The following ZNF138 variants were observed in gnomAD, a reference collection of about 807,000 sequenced individuals.
ZNF138 encodes the protein zinc finger protein 138, also known as zinc finger protein 138 (clone pHZ-32).
ZNF138 carries 33 observed loss-of-function variants against 33.0 expected under a neutral mutation model. The ratio of observed to expected loss-of-function variants is 1.00; its 90% CI spans 0.76 to 1.34. The LOEUF (loss-of-function observed/expected upper bound fraction) is 1.34, where lower values mean the gene tolerates loss of function less well. Among genes scored for constraint, ZNF138 ranks in the 40% most tolerant of loss-of-function variants. The probability of loss-of-function intolerance (pLI) is 0.00; values close to 1 mark genes in which losing one functional copy is unlikely to be tolerated. For synonymous variants in ZNF138, 139 were observed against 120.4 expected, an observed-to-expected ratio of 1.15 and a Z score of -1.01; for missense variants, 360 against 370.8, an observed-to-expected ratio of 0.97 and a Z score of 0.24.
intron 3 of ZNF138, among the ~76,000 whole-genome samples, chr7:64,821,564 C>T (rs1376495795): frequency 1.3e-5 from 2 of 151,172 alleles, no homozygotes; most frequent in Admixed American, 6.6e-5. Context: ...TGTTTGTTTT[C>T]GAGACACAGT....
At chr7:64,794,657 T>G in intron 1 of ZNF138, 86 bp downstream of exon 1, 1 of 1,592,634 alleles carries the variant, frequency 6.3e-7, no homozygotes, top group Non-Finnish European at 8.6e-7. Context: ...TACTCGGGTC[T>G]TCCCGCAGTC....
At chr7:64,842,449 G>T in the ZNF138 span, among the ~76,000 whole-genome samples, 3 of 152,174 alleles carry the variant, frequency 2.0e-5, no homozygotes, top group Admixed American at 6.5e-5. Context: ...AATATTTCTT[G>T]TCCATATTGA....
At chr7:64,808,726 A>G (rs1787819658) in intron 1 of ZNF138, among the ~76,000 whole-genome samples, 1 of 143,188 alleles carries the variant, frequency 7.0e-6, no homozygotes, top group South Asian at 2.3e-4. Flanking sequence ...TTTCCTAGGC[A>G]GAGGACCCTG....
At chr7:64,809,841 C>A (rs1418105898) in intron 1 of ZNF138, among the ~76,000 whole-genome samples, 2 of 121,502 alleles carry the variant, frequency 1.6e-5, no homozygotes, top group African/African-American at 6.4e-5. Flanking sequence ...CAGAGGCGCT[C>A]CCCACATCTC....
intron 3 of ZNF138, among the ~76,000 whole-genome samples, chr7:64,827,476 C>T (rs28630719): frequency 6.6e-6 from 1 of 151,054 alleles, no homozygotes; most frequent in African/African-American, 2.4e-5. Flanking sequence ...GATCTCCTGA[C>T]CTCGTGATCC....
chr7:64,843,152 T>A, the ZNF138 span, among the ~76,000 whole-genome samples: 3 of 152,186 alleles, frequency 2.0e-5, no homozygotes, highest in Non-Finnish European at 4.4e-5. Context: ...ATAATAAAAT[T>A]TCCTTCTTTA....
At chr7:64,828,309 T>G (rs1789811081) in intron 3 of ZNF138, among the ~76,000 whole-genome samples, 2 of 152,138 alleles carry the variant, frequency 1.3e-5, no homozygotes, top group South Asian at 2.1e-4. Flanking sequence ...GTTTTTACCT[T>G]GCAAAGCTAC....
intron 3 of ZNF138, among the ~76,000 whole-genome samples, chr7:64,827,031 T>A (rs547742329): frequency 2.2e-4 from 33 of 152,166 alleles, no homozygotes; most frequent in Non-Finnish European, 4.6e-4. Context: ...TCTATATACA[T>A]TTATAATAAA....
the ZNF138 span, among the ~76,000 whole-genome samples, chr7:64,858,753 A>G: frequency 7.6e-4 from 116 of 152,276 alleles, 1 homozygote; most frequent in African/African-American, 2.7e-3. Flanking sequence ...ATTTTTTTCA[A>G]TGCTGGCTTA....
At chr7:64,839,440 A>G in the ZNF138 span, among the ~76,000 whole-genome samples, 1 of 152,216 alleles carries the variant, frequency 6.6e-6, no homozygotes, top group Middle Eastern at 3.4e-3. Flanking sequence ...CGGATCGGCT[A>G]CTTCAGACAC....
At chr7:64,795,999 C>A (rs1215502221) in intron 1 of ZNF138, among the ~76,000 whole-genome samples, 6 of 152,192 alleles carry the variant, frequency 3.9e-5, no homozygotes, top group Non-Finnish European at 8.8e-5. Context: ...TGAGAGGAAT[C>A]TCCTGGTGTA....
At chr7:64,858,615 G>A in the ZNF138 span, among the ~76,000 whole-genome samples, 1 of 152,150 alleles carries the variant, frequency 6.6e-6, no homozygotes, top group Non-Finnish European at 1.5e-5. Context: ...AATAGATGTA[G>A]GGAAGACCCA....
At chr7:64,797,431 A>G (rs555156163) in intron 1 of ZNF138, among the ~76,000 whole-genome samples, 2 of 152,350 alleles carry the variant, frequency 1.3e-5, no homozygotes, top group South Asian at 4.1e-4. Flanking sequence ...TTCAGTTTAA[A>G]AAACCATTTG....
the ZNF138 span, chr7:64,852,457 G>A: frequency 2.5e-6 from 4 of 1,582,842 alleles, no homozygotes; most frequent in Non-Finnish European, 3.5e-6. Context: ...CAATCTCGAT[G>A]ATCAGGGGTT....
intron 1 of ZNF138, among the ~76,000 whole-genome samples, chr7:64,796,907 A>G (rs1444545983): frequency 6.6e-6 from 1 of 152,164 alleles, no homozygotes; most frequent in African/African-American, 2.4e-5. Context: ...GAAATTAGCC[A>G]TGAATGGTGA....
intron 1 of ZNF138, among the ~76,000 whole-genome samples, chr7:64,797,068 A>G (rs1240838616): frequency 6.6e-6 from 1 of 152,200 alleles, no homozygotes; most frequent in Non-Finnish European, 1.5e-5. Flanking sequence ...AGAAAGAAAG[A>G]AAATGAATAC....
At chr7:64,831,042 G>A (rs1790040944) in intron 3 of ZNF138, 2 of 1,551,842 alleles carry the variant, frequency 1.3e-6, no homozygotes, top group Non-Finnish European at 1.7e-6. Context: ...AGAAACCAGT[G>A]TCTGCAAAAG....
intron 3 of ZNF138, chr7:64,831,032 A>G (rs2129015955): frequency 6.4e-7 from 1 of 1,552,096 alleles, no homozygotes; most frequent in Middle Eastern, 1.7e-4. Flanking sequence ...CATGGGAAAC[A>G]GAAACCAGTG....
Position 64,794,572 on chromosome 7 carries a change from G to A in ZNF138, c.3+1G>A. On this transcript the variant is annotated splice_donor_variant, in intron 1 of 3. Coordinates refer to ENST00000307355, the MANE Select transcript of ZNF138 (RefSeq NM_001271639.2). LOFTEE classifies it high-confidence loss of function. ...AGGATCCCCCGGAAGCCTAGAAATGGTGAGAGTGCTGGGTCCGACATCCCG... is the reference window on the plus strand; with the variant it reads ...AGGATCCCCCGGAAGCCTAGAAATGATGAGAGTGCTGGGTCCGACATCCCG... 3.7e-6 allele frequency: 6 copies of A among 1,613,678 alleles called. No individual in the cohort carries two copies. Among genetic ancestry groups the A allele is most frequent in the Non-Finnish European group, 5.1e-6 (6 of 1,179,720 alleles).
Sources: gnomAD v4.1 joint callset for allele counts (sites outside exome capture counted in the v4.1 genomes callset) on GRCh38, gnomAD v4.1.1 for gene constraint, MANE v1.5 for transcripts, NCBI Gene and HGNC (gene_info 2026-07-23, HGNC 2026-07-21) for gene names.